The following FEZ2 variants were observed in gnomAD, a reference collection of about 807,000 sequenced individuals.
The protein encoded by FEZ2 is fasciculation and elongation protein zeta-2.
In FEZ2, 51 loss-of-function variants were observed where a neutral mutation model predicts 40.4. The ratio of observed to expected loss-of-function variants is 1.26; its 90% CI spans 1.01 to 1.59. The LOEUF is 1.59. FEZ2 is among the 40% of genes most tolerant of loss of function. The pLI, the probability that FEZ2 is intolerant of heterozygous loss-of-function variation, is 0.00. For missense variants in FEZ2, 640 were observed against 438.3 expected (o/e 1.46, Z -4.11); for synonymous variants, 242 against 172.0 (o/e 1.41, Z -3.18).
intron 5 of FEZ2, among the ~76,000 whole-genome samples, chr2:36,562,517 C>A (rs1668120385): frequency 6.6e-6 from 1 of 152,188 alleles, no homozygotes; most frequent in African/African-American, 2.4e-5. Context: ...AACTTCCCTA[C>A]CTAGCCTTTC....
chr2:36,573,578 G>A lies in FEZ2; in HGVS notation c.903+5019C>T, dbSNP rs1205123772. On this transcript the variant is annotated intron_variant, in intron 5 of 7. Coordinates refer to ENST00000405912, the MANE Select transcript of FEZ2 (RefSeq NM_005102.3). The stretch of plus-strand genomic sequence containing the variant: ...TCAACAAACATGCATTAAGTGATGT[G>A]CGAAGAACAAGAAATTAGGTGAGGT... Among the ~76,000 whole-genome samples the A allele has an allele frequency of 2.6e-5, 4 of 152,254 alleles. No individual in the cohort carries two copies. The East Asian group carries it at 7.7e-4, about 29-fold the overall frequency.
intron 5 of FEZ2, among the ~76,000 whole-genome samples, chr2:36,568,571 C>A (rs1047295154): frequency 1.3e-5 from 2 of 152,136 alleles, no homozygotes; most frequent in African/African-American, 4.8e-5. Context: ...TTTCCCACTA[C>A]GTCTTTAGGA....
At chr2:36,560,759 T>G (rs987602166) in intron 5 of FEZ2, 1 of 1,453,894 alleles carries the variant, frequency 6.9e-7, no homozygotes, top group East Asian at 2.3e-5. Flanking sequence ...AAGCAGAGAA[T>G]GAGGAAAATA....
chr2:36,563,149 G>A (rs1387555855), intron 5 of FEZ2, among the ~76,000 whole-genome samples: 1 of 152,206 alleles, frequency 6.6e-6, no homozygotes, highest in Non-Finnish European at 1.5e-5. Flanking sequence ...ATGTGTGGTT[G>A]CAGACATTAC....
intron 5 of FEZ2, among the ~76,000 whole-genome samples, chr2:36,571,495 T>C (rs777887581): frequency 2.6e-5 from 4 of 151,732 alleles, no homozygotes; most frequent in Non-Finnish European, 4.4e-5. Context: ...ACCCCATCTC[T>C]ACTAAAAAAA....
chr2:36,565,074 T>A (rs1351970390), intron 5 of FEZ2, among the ~76,000 whole-genome samples: 1 of 152,240 alleles, frequency 6.6e-6, no homozygotes, highest in East Asian at 1.9e-4. Flanking sequence ...TATCTATGTT[T>A]GCCCTCGTCA....
At chr2:36,571,101 A>G (rs541647692) in intron 5 of FEZ2, among the ~76,000 whole-genome samples, 1 of 152,316 alleles carries the variant, frequency 6.6e-6, no homozygotes, top group South Asian at 2.1e-4. Flanking sequence ...AACATATCGA[A>G]AACTGATGAT....
At chr2:36,581,011 G>T (rs1174497915) in intron 4 of FEZ2, among the ~76,000 whole-genome samples, 1 of 152,082 alleles carries the variant, frequency 6.6e-6, no homozygotes, top group Non-Finnish European at 1.5e-5. Context: ...AATTAGCCAG[G>T]CGTGGTGGCG....
In FEZ2 at chr2:36,578,757, T is replaced by G; in HGVS notation, c.743A>C (p.Glu248Ala). 1 of 1,614,036 alleles carries G rather than the reference T, an allele frequency of 6.2e-7. No individual in the cohort carries two copies. Among genetic ancestry groups the G allele is most frequent in the Non-Finnish European group, 8.5e-7 (1 of 1,179,890 alleles). ...ELVQQLALRD[E>A]LEFEKEVKNS... ...TTTCACTTCCTTTTCAAACTCCAGTTCATCTCGTAAAGCCAACTGCTGCAC... is the reference window on the plus strand; with the variant it reads ...TTTCACTTCCTTTTCAAACTCCAGTGCATCTCGTAAAGCCAACTGCTGCAC... The change falls in exon 5 of 8, where the codon GAA becomes GCA. Residue 248 changes from glutamate (E) to alanine (A), a missense_variant. By Grantham distance (107) the Glu-to-Ala change is moderately radical. Coordinates refer to ENST00000405912, the MANE Select transcript of FEZ2 (RefSeq NM_005102.3).
intron 7 of FEZ2, 32 bp from the exon 8 acceptor site, chr2:36,553,211 T>C: frequency 7.0e-7 from 1 of 1,418,720 alleles, no homozygotes; most frequent in Non-Finnish European, 9.7e-7. Context: ...TAGCTACAAA[T>C]GTATATTTTG....
chr2:36,567,858 C>T (rs184539694), intron 5 of FEZ2, among the ~76,000 whole-genome samples: 65 of 151,956 alleles, frequency 4.3e-4, no homozygotes, highest in Admixed American at 3.1e-3. Context: ...AAAAGAGAGA[C>T]CAGGGCAGTG....
At chr2:36,566,866 G>A (rs1334527348) in intron 5 of FEZ2, among the ~76,000 whole-genome samples, 1 of 152,124 alleles carries the variant, frequency 6.6e-6, no homozygotes, top group Non-Finnish European at 1.5e-5. Flanking sequence ...CTTCTTATTT[G>A]TAAATCCTAC....
intron 5 of FEZ2, among the ~76,000 whole-genome samples, chr2:36,572,000 G>A (rs1450282510): frequency 7.6e-6 from 1 of 130,954 alleles, no homozygotes; most frequent in African/African-American, 2.9e-5. Context: ...GAGCGGCTGA[G>A]TGAGACTCCG....
chr2:36,595,330 A>C (rs1669185114), intron 1 of FEZ2, among the ~76,000 whole-genome samples: 1 of 151,984 alleles, frequency 6.6e-6, no homozygotes, highest in Non-Finnish European at 1.5e-5. Flanking sequence ...GTTTTCCTGC[A>C]ACTAGATGGT....
chr2:36,578,174 C>T (rs1217596682), intron 5 of FEZ2, among the ~76,000 whole-genome samples: 1 of 152,178 alleles, frequency 6.6e-6, no homozygotes, highest in Admixed American at 6.5e-5. Context: ...GTTCTGATAC[C>T]TCTAAATAAA....
At chr2:36,597,831 G>A (rs1459672873) in intron 1 of FEZ2, 46 bp downstream of exon 1, 9 of 1,309,514 alleles carry the variant, frequency 6.9e-6, no homozygotes, top group Non-Finnish European at 8.8e-6. Flanking sequence ...TCGGGCGAGG[G>A]GTAGGGGAGG....
intron 1 of FEZ2, chr2:36,594,692 C>A (rs1298681002): frequency 6.6e-6 from 1 of 152,664 alleles, no homozygotes; most frequent in Non-Finnish European, 1.5e-5. Flanking sequence ...AACCGTATCA[C>A]TGACTATAGA....
In FEZ2 at chr2:36,597,932, G is replaced by T. The variant is rs373427081; in HGVS notation, c.211C>A (p.Pro71Thr). The change falls in exon 1 of 8, where the codon CCC (proline) becomes ACC (threonine). Residue 71 changes from proline to threonine, a missense_variant. Pro to Thr is a conservative substitution (Grantham distance 38). Coordinates refer to ENST00000405912, the MANE Select transcript of FEZ2 (RefSeq NM_005102.3). ...ATGGGCCGCACGGCCGTCCTCGGGG[G>T]CTCGGCGCCCGGATCCGAGGGGCGG... ...CFRPSDPGAE[P>T]PRTAVRPITE... 6 of 1,438,112 alleles carry T rather than the reference G, an allele frequency of 4.2e-6. No homozygotes were observed. In the East Asian group the frequency reaches 1.8e-4, roughly 43 times the overall value. 89.1% of individuals were successfully genotyped at this position (1,438,112 alleles called of 1,614,324 possible). A position where few individuals can be genotyped will look rare whatever the true frequency, so the allele number is the denominator to read the frequency against.
chr2:36,561,067 C>G (rs987643644), intron 5 of FEZ2, among the ~76,000 whole-genome samples: 1 of 152,210 alleles, frequency 6.6e-6, no homozygotes, highest in Admixed American at 6.5e-5. Context: ...AATGCAAAAG[C>G]AACTGTTTTT....
Sources: gnomAD v4.1 joint callset for allele counts (sites outside exome capture counted in the v4.1 genomes callset) on GRCh38, gnomAD v4.1.1 for gene constraint, MANE v1.5 for transcripts, NCBI Gene and HGNC (gene_info 2026-07-23, HGNC 2026-07-21) for gene names.